ARHGAP42: variants seen among roughly 807,000 people sequenced by gnomAD.
ARHGAP42 encodes the protein Rho GTPase activating protein 42, also known as rho GTPase-activating protein 42.
ARHGAP42 carries 63 observed loss-of-function variants against 125.0 expected under a neutral mutation model. That is an observed-to-expected ratio of 0.50 (90% confidence interval 0.41 to 0.62). The LOEUF (loss-of-function observed/expected upper bound fraction) is 0.62. Among genes scored for constraint, ARHGAP42 ranks in the 20% least tolerant of loss-of-function variants. ARHGAP42 has a pLI of 0.00. For missense variants in ARHGAP42, 766 were observed against 1,024.2 expected (o/e 0.75, Z 3.44); for synonymous variants, 339 against 351.0 (o/e 0.97, Z 0.38).
chr11:100,739,334 G>A (rs962887442), intron 1 of ARHGAP42, among the ~76,000 whole-genome samples: 1 of 151,314 alleles, frequency 6.6e-6, no homozygotes, highest in African/African-American at 2.4e-5. Flanking sequence ...AAACAATCTT[G>A]TTTTAACCTG....
intron 4 of ARHGAP42, among the ~76,000 whole-genome samples, chr11:100,869,547 C>G (rs1216228245): frequency 6.6e-6 from 1 of 152,038 alleles, no homozygotes; most frequent in Admixed American, 6.6e-5. Flanking sequence ...CAGTAGTTAT[C>G]TCTGCATTCC....
intron 4 of ARHGAP42, among the ~76,000 whole-genome samples, chr11:100,875,107 C>CTCTCTCTCTGTG (rs1384655603): frequency 1.2e-5 from 1 of 82,280 alleles, no homozygotes; most frequent in Non-Finnish European, 2.4e-5. Context: ...CTCTCTCTCT[C>CTCTCTCTCTGTG]TGTGTGTGTG....
intron 3 of ARHGAP42, among the ~76,000 whole-genome samples, chr11:100,826,072 T>TTC (rs375051553): frequency 5.3e-5 from 8 of 151,472 alleles, no homozygotes; most frequent in Middle Eastern, 3.2e-3. Flanking sequence ...GCTGTTTTTT[T>TTC]TCTCTCTCTC....
intron 4 of ARHGAP42, among the ~76,000 whole-genome samples, chr11:100,875,949 A>G (rs980735086): frequency 6.6e-6 from 1 of 152,188 alleles, no homozygotes; most frequent in Non-Finnish European, 1.5e-5. Context: ...TCTTGTTACA[A>G]GAGCACAGTT....
intron 4 of ARHGAP42, among the ~76,000 whole-genome samples, chr11:100,864,650 G>A (rs1865524693): frequency 6.6e-6 from 1 of 152,156 alleles, no homozygotes; most frequent in Non-Finnish European, 1.5e-5. Context: ...AACAAACTGG[G>A]AAGAGACGTG....
chr11:100,901,784 G>A (rs1204082434), intron 4 of ARHGAP42, among the ~76,000 whole-genome samples: 1 of 152,220 alleles, frequency 6.6e-6, no homozygotes, highest in Non-Finnish European at 1.5e-5. Flanking sequence ...ACAGTATTTG[G>A]GTGGAAGTGT....
intron 2 of ARHGAP42, among the ~76,000 whole-genome samples, chr11:100,782,735 T>C (rs1863343353): frequency 1.3e-5 from 2 of 152,148 alleles, no homozygotes; most frequent in African/African-American, 4.8e-5. Context: ...TGGTGAGTCG[T>C]GATTCAGGGG....
At chr11:100,893,816 T>C (rs1305119124) in intron 4 of ARHGAP42, among the ~76,000 whole-genome samples, 4 of 152,132 alleles carry the variant, frequency 2.6e-5, no homozygotes, top group Non-Finnish European at 5.9e-5. Flanking sequence ...ATTTCTCAAG[T>C]CAAGCAGTAA....
At chr11:100,929,101 G>A (rs1490282726) in intron 6 of ARHGAP42, among the ~76,000 whole-genome samples, 2 of 152,136 alleles carry the variant, frequency 1.3e-5, no homozygotes, top group African/African-American at 4.8e-5. Context: ...CAGTTTTATG[G>A]AAGACTATTT....
intron 1 of ARHGAP42, among the ~76,000 whole-genome samples, chr11:100,718,168 G>A (rs1286427056): frequency 6.6e-6 from 1 of 152,132 alleles, no homozygotes; most frequent in Admixed American, 6.5e-5. Context: ...AAAGGTATGT[G>A]GGACAGATCA....
At chr11:100,707,782 A>G (rs969309964) in intron 1 of ARHGAP42, among the ~76,000 whole-genome samples, 1 of 152,168 alleles carries the variant, frequency 6.6e-6, no homozygotes, top group African/African-American at 2.4e-5. Flanking sequence ...CTGGGTTTAC[A>G]TGACTGTGGA....
intron 1 of ARHGAP42, among the ~76,000 whole-genome samples, chr11:100,705,168 A>G (rs1861464777): frequency 6.6e-6 from 1 of 152,248 alleles, no homozygotes; most frequent in South Asian, 2.1e-4. Context: ...CAATTTAACC[A>G]AATAATCTGA....
At chr11:100,935,932 G>A (rs1480068925) in intron 7 of ARHGAP42, among the ~76,000 whole-genome samples, 8 of 152,042 alleles carry the variant, frequency 5.3e-5, no homozygotes, top group African/African-American at 1.9e-4. Context: ...GGGAATTTGA[G>A]ACCAGCCTGG....
At chr11:100,929,870 A>G (rs1867527212) in intron 6 of ARHGAP42, among the ~76,000 whole-genome samples, 1 of 152,142 alleles carries the variant, frequency 6.6e-6, no homozygotes, top group African/African-American at 2.4e-5. Flanking sequence ...TTCAATTTTC[A>G]TGACAGTGTA....
intron 3 of ARHGAP42, among the ~76,000 whole-genome samples, chr11:100,855,741 C>T (rs1471817216): frequency 1.3e-5 from 2 of 151,922 alleles, no homozygotes; most frequent in East Asian, 3.9e-4. Context: ...AATAACCTAC[C>T]CACAGTAAAA....
chr11:100,825,283 C>T (rs554642995), intron 3 of ARHGAP42, among the ~76,000 whole-genome samples: 2 of 152,068 alleles, frequency 1.3e-5, no homozygotes, highest in Admixed American at 6.5e-5. Flanking sequence ...ATGCCTTGTT[C>T]CTGATTCAGT....
intron 6 of ARHGAP42, among the ~76,000 whole-genome samples, chr11:100,931,853 T>A (rs1867591100): frequency 6.6e-6 from 1 of 152,202 alleles, no homozygotes; most frequent in Non-Finnish European, 1.5e-5. Context: ...TATATTTTAT[T>A]GGATAATTTG....
intron 4 of ARHGAP42, among the ~76,000 whole-genome samples, chr11:100,910,421 C>T (rs1276494539): frequency 6.6e-6 from 1 of 152,158 alleles, no homozygotes; most frequent in Non-Finnish European, 1.5e-5. Context: ...AATGCACATA[C>T]TGTGGACTGA....
At chr11:100,822,446 G>T (rs578181014) in intron 3 of ARHGAP42, among the ~76,000 whole-genome samples, 3 of 152,144 alleles carry the variant, frequency 2.0e-5, no homozygotes, top group Non-Finnish European at 2.9e-5. Flanking sequence ...ACATAAAATG[G>T]ATTACTGTTT....
Sources: allele counts gnomAD v4.1 joint callset (sites outside exome capture counted in the v4.1 genomes callset), GRCh38; gene constraint gnomAD v4.1.1; transcripts MANE v1.5; gene names NCBI Gene and HGNC (gene_info 2026-07-23, HGNC 2026-07-21).